STYXL1: variants seen among roughly 807,000 people sequenced by gnomAD.
The protein encoded by STYXL1 is serine/threonine/tyrosine-interacting-like protein 1.
Under a neutral mutation model 36.4 loss-of-function variants are expected in STYXL1, and 32 were observed. The ratio of observed to expected loss-of-function variants is 0.88; its 90% CI spans 0.66 to 1.18. The LOEUF is 1.18. STYXL1 is among the 50% of genes most tolerant of loss of function. The pLI is 0.00. For synonymous variants in STYXL1, 133 were observed against 144.1 expected, an observed-to-expected ratio of 0.92 and a Z score of 0.55; for missense variants, 354 against 394.1, an observed-to-expected ratio of 0.90 and a Z score of 0.86.
In STYXL1 at chr7:76,005,351, G is replaced by A. The variant is rs782232485; in HGVS notation, c.507C>T (p.Phe169=). Residue 169 remains phenylalanine, a synonymous_variant, in exon 6 of 9, where the codon TTC becomes TTT. Transcript: ENST00000359697. The part of the protein sequence containing the change: ...YPIEIVPGKV[F]VGNFSQACDP... ...CACAGGCTTGACTGAAATTGCCAAC[G>A]AAGACCTTCCCTGGCACGATTTCAA... 30 of 1,613,368 alleles carry A rather than the reference G, an allele frequency of 1.9e-5. No individual in the cohort carries two copies. The highest frequency in any genetic ancestry group is 5.5e-5 in the South Asian group (5 of 91,040).
intron 8 of STYXL1, chr7:76,000,508 TC>T (rs1790762698): frequency 2.2e-6 from 1 of 461,012 alleles, no homozygotes. Context: ...TTCCCTCTCT[TC>T]TCTGGACCCT....
intron 5 of STYXL1, among the ~76,000 whole-genome samples, chr7:76,007,511 T>A (rs1270751189): frequency 6.6e-6 from 1 of 152,064 alleles, no homozygotes; most frequent in Non-Finnish European, 1.5e-5. Flanking sequence ...ATCCAAGGAT[T>A]TGGTATCTAT....
chr7:76,005,437 C>A, intron 5 of STYXL1, 33 bp from the exon 6 acceptor site: 1 of 1,563,820 alleles, frequency 6.4e-7, no homozygotes, highest in Non-Finnish European at 8.7e-7. Flanking sequence ...CAGCTATGAG[C>A]ATATTCCTCA....
At chr7:76,036,168 T>G (rs1381764484) in intron 1 of STYXL1, among the ~76,000 whole-genome samples, 1 of 150,082 alleles carries the variant, frequency 6.7e-6, no homozygotes, top group African/African-American at 2.4e-5. Context: ...TGGGATGATC[T>G]CGGCTCACTG....
chr7:76,011,759 C>T (rs927161247), intron 5 of STYXL1, among the ~76,000 whole-genome samples: 1 of 152,210 alleles, frequency 6.6e-6, no homozygotes, highest in African/African-American at 2.4e-5. Flanking sequence ...AGTTCTCTTC[C>T]TCGAAATCTC....
chr7:75,996,347 CT>C lies in STYXL1; in HGVS notation c.*120del. 1 of 1,587,044 alleles carries C rather than the reference CT, an allele frequency of 6.3e-7. No homozygotes were observed. The highest frequency in any genetic ancestry group is 8.6e-7 in the Non-Finnish European group (1 of 1,168,628). On this transcript the variant is annotated 3_prime_UTR_variant, in exon 9 of 9. Coordinates refer to ENST00000359697, the MANE Select transcript of STYXL1 (RefSeq NM_001317785.2). ...ATCAGTACAGGAGGCTAACATGAGACTTTCAGGCAGCAAAGGCCTTCTCCTT... is the reference window on the plus strand; with the variant it reads ...ATCAGTACAGGAGGCTAACATGAGACTTCAGGCAGCAAAGGCCTTCTCCTT...
In STYXL1 at chr7:76,047,827, C is replaced by A; in HGVS notation, c.-170G>T. The A allele has an allele frequency of 9.1e-7, 1 of 1,096,808 alleles. No individual in the cohort carries two copies. The allele number at this position is 1,096,808 out of a possible 1,614,324, so 67.9% of individuals were successfully genotyped here. ...GGGGCCCCACCTGGAAAAATGGCTC[C>A]TCTAAGGCGCTTCCAGCCTAAAGCC... On this transcript the variant is annotated 5_prime_UTR_variant, in exon 1 of 9. It adds an upstream start codon to the 5' untranslated region. Transcript: ENST00000359697.
chr7:76,011,237 T>G (rs1000516748), intron 5 of STYXL1, among the ~76,000 whole-genome samples: 3 of 152,106 alleles, frequency 2.0e-5, no homozygotes, highest in African/African-American at 4.8e-5. Context: ...TCGCCCAACT[T>G]CAAACATTAA....
At chr7:76,015,399 C>A (rs532441120) in intron 4 of STYXL1, among the ~76,000 whole-genome samples, 2 of 152,196 alleles carry the variant, frequency 1.3e-5, no homozygotes, top group African/African-American at 2.4e-5. Context: ...AAATGTAACA[C>A]CTGAAAACTA....
chr7:76,025,177 C>A (rs1585278565), intron 3 of STYXL1, among the ~76,000 whole-genome samples: 1 of 150,458 alleles, frequency 6.6e-6, no homozygotes, highest in African/African-American at 2.5e-5. Flanking sequence ...GCCTTTCTGT[C>A]CTGCTAGGGC....
intron 5 of STYXL1, among the ~76,000 whole-genome samples, chr7:76,011,649 G>A (rs4732524): frequency 0.023 from 3,530 of 152,288 alleles, 122 homozygotes; most frequent in Admixed American, 0.1. Flanking sequence ...GTGTTCAGAC[G>A]CTTCAATAAG....
At chr7:76,036,329 G>A (rs1795907753) in intron 1 of STYXL1, among the ~76,000 whole-genome samples, 1 of 149,914 alleles carries the variant, frequency 6.7e-6, no homozygotes, top group South Asian at 2.2e-4. Context: ...TCGAACTCCT[G>A]ACCTCAGGTG....
intron 7 of STYXL1, among the ~76,000 whole-genome samples, chr7:76,002,110 C>T (rs1377698985): frequency 1.3e-5 from 2 of 152,028 alleles, no homozygotes; most frequent in East Asian, 3.9e-4. Flanking sequence ...ATCCAGCTAA[C>T]TTTTTTGTAC....
rs138784013 is a variant in STYXL1 at position 76,003,553 on chromosome 7, G to A, written c.697+205C>T. On this transcript the variant is annotated intron_variant, in intron 7 of 8. Transcript: ENST00000359697. ...CCACTGCCCCCGAGGTAAACACCAC[G>A]GTTGCTCGTTTCACTGAGGGCTCCC... Among the ~76,000 whole-genome samples, 194 of 152,292 alleles carry A rather than the reference G, an allele frequency of 1.3e-3. 8 individuals carry two copies. The South Asian group carries it at 0.036, about 28-fold the overall frequency.
chr7:76,047,527 G>A (rs930778564), intron 1 of STYXL1, 135 bp downstream of exon 1: 2 of 154,260 alleles, frequency 1.3e-5, no homozygotes, highest in Non-Finnish European at 2.9e-5. Context: ...AGGGCTGGAG[G>A]TCGCCATTAT....
intron 1 of STYXL1, among the ~76,000 whole-genome samples, chr7:76,040,744 G>A (rs1430945275): frequency 1.3e-5 from 2 of 151,360 alleles, no homozygotes; most frequent in African/African-American, 4.9e-5. Context: ...GCTGAGGCAG[G>A]AAAATCGCTT....
At chr7:76,025,592 C>G (rs782204669) in intron 3 of STYXL1, among the ~76,000 whole-genome samples, 5 of 151,830 alleles carry the variant, frequency 3.3e-5, no homozygotes, top group Non-Finnish European at 7.4e-5. Flanking sequence ...GAGTTCAAGA[C>G]CAGCCTGGCC....
At chr7:76,003,914 G>A in intron 6 of STYXL1, 59 bp from the exon 7 acceptor site, 1 of 1,529,312 alleles carries the variant, frequency 6.5e-7, no homozygotes, top group Non-Finnish European at 9.0e-7. Flanking sequence ...CATCCCCATT[G>A]TGGGGTTTTC....
chr7:76,046,314 GT>G (rs1797011673), intron 1 of STYXL1, among the ~76,000 whole-genome samples: 2 of 70,306 alleles, frequency 2.8e-5, no homozygotes, highest in South Asian at 1.1e-3. Context: ...GTGTGTGTGT[GT>G]GTGTGTGTGT....
Sources: gnomAD v4.1 joint callset for allele counts (sites outside exome capture counted in the v4.1 genomes callset) on GRCh38, gnomAD v4.1.1 for gene constraint, MANE v1.5 for transcripts, NCBI Gene and HGNC (gene_info 2026-07-23, HGNC 2026-07-21) for gene names.